The following EGFLAM variants were observed in gnomAD, a reference collection of about 807,000 sequenced individuals.
EGFLAM encodes the protein EGF like, fibronectin type III and laminin G domains, also known as pikachurin.
In EGFLAM, 79 loss-of-function variants were observed where a neutral mutation model predicts 113.1. The ratio of observed to expected loss-of-function variants is 0.70; its 90% CI spans 0.58 to 0.84. EGFLAM has a LOEUF of 0.84. Among genes scored for constraint, EGFLAM ranks in the 40% least tolerant of loss-of-function variants. The pLI, the probability that EGFLAM is intolerant of heterozygous loss-of-function variation, is 0.00. For synonymous variants in EGFLAM, 504 were observed against 487.6 expected (o/e 1.03, Z -0.44); for missense variants, 1,265 against 1,291.6 (o/e 0.98, Z 0.32).
At chr5:38,434,466 T>C (rs886516824) in intron 15 of EGFLAM, among the ~76,000 whole-genome samples, 1 of 152,246 alleles carries the variant, frequency 6.6e-6, no homozygotes, top group African/African-American at 2.4e-5. Context: ...TTGTAGTATG[T>C]GCCTAATAAT....
intron 11 of EGFLAM, among the ~76,000 whole-genome samples, chr5:38,415,241 T>C (rs1741605023): frequency 6.6e-6 from 1 of 151,670 alleles, no homozygotes; most frequent in Admixed American, 6.6e-5. Flanking sequence ...TGGGCGCCTG[T>C]AATCCTAGCT....
At chr5:38,287,528 T>C (rs1758196919) in intron 1 of EGFLAM, among the ~76,000 whole-genome samples, 1 of 152,194 alleles carries the variant, frequency 6.6e-6, no homozygotes, top group Non-Finnish European at 1.5e-5. Flanking sequence ...TGCACCACCA[T>C]GCCTAGCCAA....
chr5:38,299,544 C>T (rs1007835460), intron 1 of EGFLAM, among the ~76,000 whole-genome samples: 1 of 152,174 alleles, frequency 6.6e-6, no homozygotes, highest in African/African-American at 2.4e-5. Flanking sequence ...GGCTTAGCAC[C>T]ATTGCCTTGG....
In EGFLAM at chr5:38,403,965, T is replaced by C. The variant is rs1741197517; in HGVS notation, c.713-2161T>C. 6.2e-6 allele frequency: 10 copies of C among 1,611,350 alleles called. No individual in the cohort carries two copies. In the South Asian group the frequency reaches 9.9e-5, roughly 16 times the overall value. On this transcript the variant is annotated intron_variant, in intron 6 of 21. Coordinates refer to ENST00000322350, the MANE Select transcript of EGFLAM (RefSeq NM_152403.4). ...ACTTTAAATAAAACTGGGGAATTGG[T>C]GTGGAAGGGATGAGAACACCGCCTC...
rs777154640 is a variant in EGFLAM, at chr5:38,427,011, T to G, written c.1813T>G (p.Phe605Val). The change falls in exon 14 of 22, where the codon TTC (phenylalanine) becomes GTC (valine). Residue 605 changes from phenylalanine (F) to valine (V), a missense_variant and splice_region_variant. By Grantham distance (50) the Phe-to-Val change is conservative. Transcript: ENST00000322350. ...GFKGRHCEDAFTLTIPQFRES... is the reference protein window; with the variant it reads ...GFKGRHCEDAVTLTIPQFRES... ...TAACACCATGCTTGTTTTTTCAGCT[T>G]TCACCTTGACCATTCCTCAGTTCAG... The G allele has an allele frequency of 1.2e-6, 2 of 1,613,774 alleles. No individual in the cohort carries two copies. Among genetic ancestry groups the G allele is most frequent in the Non-Finnish European group, 1.7e-6 (2 of 1,179,924 alleles).
At chr5:38,407,435 C>T (rs1741326474) in intron 8 of EGFLAM, among the ~76,000 whole-genome samples, 1 of 152,190 alleles carries the variant, frequency 6.6e-6, no homozygotes, top group Admixed American at 6.5e-5. Context: ...ACTATAATCA[C>T]ATCTCTACCA....
In EGFLAM at chr5:38,350,825, G is replaced by A. The variant is rs6865752; in HGVS notation, c.409+207G>A. 6.8e-3 allele frequency among the ~76,000 whole-genome samples: 1,036 copies of A among 152,308 alleles called. 16 individuals carry two copies. The highest frequency in any genetic ancestry group is 0.023 in the African/African-American group (940 of 41,560). The stretch of plus-strand genomic sequence containing the variant: ...TCCCTCATTAGTGTGTAGTTGCAGA[G>A]TGTGATAGATGCTCCAGCACTGTAG... On this transcript the variant is annotated intron_variant, in intron 4 of 21. Transcript: ENST00000322350.
At chr5:38,324,412 A>G (rs1389364690) in intron 1 of EGFLAM, among the ~76,000 whole-genome samples, 1 of 152,166 alleles carries the variant, frequency 6.6e-6, no homozygotes, top group African/African-American at 2.4e-5. Flanking sequence ...TACAATGTCT[A>G]TATAATCAGT....
chr5:38,433,857 C>A (rs1270666331), intron 15 of EGFLAM, among the ~76,000 whole-genome samples: 1 of 152,176 alleles, frequency 6.6e-6, no homozygotes, highest in African/African-American at 2.4e-5. Context: ...AAGGAAGAAC[C>A]CTCAAAGCTG....
intron 12 of EGFLAM, among the ~76,000 whole-genome samples, chr5:38,419,042 C>T (rs1323739265): frequency 7.9e-5 from 12 of 152,106 alleles, no homozygotes; most frequent in Admixed American, 7.9e-4. Flanking sequence ...CCTGGAGAGG[C>T]CTCTCTCCTT....
At chr5:38,442,152 A>G (rs1742556267) in intron 17 of EGFLAM, among the ~76,000 whole-genome samples, 1 of 152,048 alleles carries the variant, frequency 6.6e-6, no homozygotes, top group African/African-American at 2.4e-5. Flanking sequence ...CAGTGTATAT[A>G]TATAAAAAAA....
chr5:38,462,515 C>T, intron 20 of EGFLAM: 1 of 183,454 alleles, frequency 5.5e-6, no homozygotes, highest in Non-Finnish European at 1.1e-5. Flanking sequence ...CCTTCTCCTT[C>T]ACTTGACTTA....
At position 38,310,856 on chromosome 5, in the gene EGFLAM, G is replaced by A. The variant is rs116265467; in HGVS notation, c.98-26664G>A. On this transcript the variant is annotated intron_variant, in intron 1 of 21. Coordinates refer to ENST00000322350, the MANE Select transcript of EGFLAM (RefSeq NM_152403.4). Reference sequence around the variant, plus strand: ...TTCCTTGTCACAAAGAGTTGTTCACGTGTGAGAACTACTGAAAAATGATCA... The same window carrying A: ...TTCCTTGTCACAAAGAGTTGTTCACATGTGAGAACTACTGAAAAATGATCA... Among the ~76,000 whole-genome samples the A allele has an allele frequency of 9.5e-3, 1,445 of 152,230 alleles. 24 individuals carry two copies. Among genetic ancestry groups the A allele is most frequent in the African/African-American group, 0.031 (1,268 of 41,514 alleles).
intron 5 of EGFLAM, among the ~76,000 whole-genome samples, chr5:38,361,057 G>A (rs1739908311): frequency 6.6e-6 from 1 of 151,114 alleles, no homozygotes; most frequent in African/African-American, 2.4e-5. Context: ...GTAGACACGG[G>A]GTTTCACCAT....
intron 6 of EGFLAM, among the ~76,000 whole-genome samples, chr5:38,399,538 A>G (rs1247816627): frequency 6.6e-6 from 1 of 152,102 alleles, no homozygotes; most frequent in East Asian, 1.9e-4. Flanking sequence ...TTGGCCTCCC[A>G]AAGTGCTAGG....
rs774958012 is a variant in EGFLAM at position 38,406,884 on chromosome 5, G to A, written c.885G>A (p.Lys295=). The change falls in exon 8 of 22, where the codon AAG becomes AAA. Residue 295 remains lysine, a synonymous_variant. Coordinates refer to ENST00000322350, the MANE Select transcript of EGFLAM (RefSeq NM_152403.4). ...ATAAGAAATTTTTGGTGGAAAGCAA[G>A]AAGATGTCTATATCTAACCCAAAGA... is the stretch of plus-strand genomic sequence containing the variant. ...GGNKKFLVES[K]KMSISNPKTI... 23 of 1,614,116 alleles carry A rather than the reference G, an allele frequency of 1.4e-5. No individual in the cohort carries two copies. Among genetic ancestry groups the A allele is most frequent in the Non-Finnish European group, 1.9e-5 (23 of 1,179,982 alleles).
At chr5:38,263,614 G>A (rs1757557387) in intron 1 of EGFLAM, among the ~76,000 whole-genome samples, 1 of 152,072 alleles carries the variant, frequency 6.6e-6, no homozygotes, top group South Asian at 2.1e-4. Flanking sequence ...TTTCTTAATG[G>A]TGTCTTTCAA....
intron 1 of EGFLAM, among the ~76,000 whole-genome samples, chr5:38,304,830 A>T (rs1758684751): frequency 6.6e-6 from 1 of 152,208 alleles, no homozygotes; most frequent in Non-Finnish European, 1.5e-5. Flanking sequence ...CACCAAAAAA[A>T]CAGTATTCAC....
chr5:38,340,322 T>A (rs1018586928), intron 3 of EGFLAM, among the ~76,000 whole-genome samples: 1 of 152,216 alleles, frequency 6.6e-6, no homozygotes, highest in Non-Finnish European at 1.5e-5. Flanking sequence ...ATAATTATTC[T>A]CTTGTGAGGA....
Sources: gnomAD v4.1 joint callset for allele counts (sites outside exome capture counted in the v4.1 genomes callset) on GRCh38, gnomAD v4.1.1 for gene constraint, MANE v1.5 for transcripts, NCBI Gene and HGNC (gene_info 2026-07-23, HGNC 2026-07-21) for gene names.